The following NSD2 variants were observed in gnomAD, a reference collection of about 807,000 sequenced individuals.
NSD2 encodes histone-lysine N-methyltransferase NSD2.
NSD2 carries 12 observed loss-of-function variants against 139.0 expected under a neutral mutation model. That is an observed-to-expected ratio of 0.09 (90% CI 0.06 to 0.14). The LOEUF is 0.14. Among genes scored for constraint, NSD2 ranks in the 10% least tolerant of loss-of-function variants. The pLI is 1.00. For synonymous variants in NSD2, 669 were observed against 648.7 expected, an observed-to-expected ratio of 1.03 and a Z score of -0.48; for missense variants, 1,155 against 1,745.0, an observed-to-expected ratio of 0.66 and a Z score of 6.02.
intron 15 of NSD2, among the ~76,000 whole-genome samples, chr4:1,957,330 C>T (rs1344986066): frequency 6.6e-6 from 1 of 150,670 alleles, no homozygotes; most frequent in African/African-American, 2.5e-5. Context: ...GTTGCCCAGG[C>T]TGGAGTGCAA....
chr4:1,871,695 C>T (rs1713774973), intron 1 of NSD2, among the ~76,000 whole-genome samples, 153 bp downstream of exon 1: 1 of 148,050 alleles, frequency 6.8e-6, no homozygotes, highest in Admixed American at 6.7e-5. Context: ...CTGAGGAGGC[C>T]TGAGGGGCCG....
chr4:1,950,964 G>A, intron 9 of NSD2, 108 bp from the exon 10 acceptor site: 2 of 1,439,694 alleles, frequency 1.4e-6, no homozygotes, highest in South Asian at 2.6e-5. Context: ...CCAGTGCTGA[G>A]AAAGACTGGT....
intron 1 of NSD2, among the ~76,000 whole-genome samples, chr4:1,894,305 C>A (rs1003819964): frequency 2.2e-4 from 34 of 152,122 alleles, no homozygotes; most frequent in Non-Finnish European, 4.7e-4. Context: ...TACAATGTAT[C>A]TAGATGATTT....
chr4:1,944,752 C>A, intron 9 of NSD2: 1 of 1,064,580 alleles, frequency 9.4e-7, no homozygotes, highest in Non-Finnish European at 1.1e-6. Context: ...TATATATCTG[C>A]TTCTAAAATT....
chr4:1,888,686 T>G (rs920308593), intron 1 of NSD2, among the ~76,000 whole-genome samples: 5 of 151,892 alleles, frequency 3.3e-5, no homozygotes, highest in Non-Finnish European at 2.9e-5. Context: ...TGCCTCAGCC[T>G]CCGGAGTAGC....
chr4:1,904,504 G>C, intron 3 of NSD2, 126 bp downstream of exon 3: 2 of 995,060 alleles, frequency 2.0e-6, no homozygotes, highest in Non-Finnish European at 2.9e-6. Context: ...TTTACCTAAA[G>C]TTAGTGATTG....
At chr4:1,918,802 C>A in intron 5 of NSD2, 179 bp downstream of exon 5, 1 of 843,154 alleles carries the variant, frequency 1.2e-6, no homozygotes, top group Non-Finnish European at 1.8e-6. Flanking sequence ...GGAAAAGATA[C>A]TCGACTTGCA....
intron 8 of NSD2, among the ~76,000 whole-genome samples, chr4:1,938,916 C>CT (rs1267709006): frequency 6.6e-6 from 1 of 152,102 alleles, no homozygotes; most frequent in Non-Finnish European, 1.5e-5. Flanking sequence ...TGCATGTAAG[C>CT]TAACAGTAAG....
chr4:1,939,231 C>A, intron 8 of NSD2: 1 of 159,478 alleles, frequency 6.3e-6, no homozygotes, highest in South Asian at 1.8e-4. Flanking sequence ...AGCAATTGGA[C>A]ATTTGAACGC....
chr4:1,949,671 G>A (rs1345410113), intron 9 of NSD2, among the ~76,000 whole-genome samples: 2 of 152,020 alleles, frequency 1.3e-5, no homozygotes, highest in African/African-American at 4.8e-5. Context: ...GACTGAGGCA[G>A]GAGAATCACT....
rs1038113299 is a variant in NSD2 at position 1,974,202 on chromosome 4, C to T, written c.3373-661C>T. Among the ~76,000 whole-genome samples, 1 of 151,440 alleles carries T rather than the reference C, an allele frequency of 6.6e-6. No individual in the cohort carries two copies. The highest frequency in any genetic ancestry group is 1.5e-5 in the Non-Finnish European group (1 of 67,906). On this transcript the variant is annotated intron_variant, in intron 18 of 21. Transcript: ENST00000508803. This position sits in a 1 kb window ranked among gnomAD's most constrained non-coding sequence, Gnocchi z 4.0. ...TTTCTTTGCATCCTTTGCTGGTTTT[C>T]GGTTGGGTGAGTCTTTTTTTTTTTT...
At chr4:1,925,389 C>CTTTTTTTT (rs34335852) in intron 5 of NSD2, among the ~76,000 whole-genome samples, 39 of 37,998 alleles carry the variant, frequency 1.0e-3, no homozygotes, top group South Asian at 2.0e-3. Context: ...CTTTTTCTTT[C>CTTTTTTTT]TTTTTTTTTT....
intron 18 of NSD2, among the ~76,000 whole-genome samples, chr4:1,970,171 G>A (rs1036352448): frequency 6.6e-6 from 1 of 152,214 alleles, no homozygotes; most frequent in African/African-American, 2.4e-5. Context: ...GGGCGACGTC[G>A]TAAGTAGGAT....
chr4:1,917,717 G>GCTGGGATTACA (rs1201280648), intron 4 of NSD2, among the ~76,000 whole-genome samples: 2 of 152,076 alleles, frequency 1.3e-5, no homozygotes, highest in Non-Finnish European at 2.9e-5. Context: ...GATTACAGGT[G>GCTGGGATTACA]GGAACCACCA....
Position 1,951,149 on chromosome 4 carries a change from C to T in NSD2, c.1959C>T (p.Val653=), listed in dbSNP as rs762060746. 9 of 1,614,244 alleles carry T rather than the reference C, an allele frequency of 5.6e-6. No homozygotes were observed. The highest frequency in any genetic ancestry group is 7.6e-6 in the Non-Finnish European group (9 of 1,180,038). The change falls in exon 10 of 22, where the codon GTC becomes GTT. Residue 653 remains valine, a synonymous_variant. Coordinates refer to ENST00000508803, the MANE Select transcript of NSD2 (RefSeq NM_001042424.3). The part of the protein sequence containing the change: ...SADETQTEVS[V]SSKKSERGVT... ...ACGAAACACAAACTGAAGTATCTGT[C>T]TCATCCAAAAAGTCTGAGCGAGGAG...
intron 5 of NSD2, among the ~76,000 whole-genome samples, chr4:1,921,450 T>A (rs1207874543): frequency 1.4e-5 from 2 of 147,402 alleles, no homozygotes; most frequent in Non-Finnish European, 3.0e-5. Flanking sequence ...AGAGCGAGAC[T>A]CCGTCTCAAA....
chr4:1,946,598 T>C (rs1383916146), intron 9 of NSD2: 6 of 1,026,344 alleles, frequency 5.8e-6, no homozygotes, highest in Non-Finnish European at 7.0e-6. Flanking sequence ...AGAAATATTC[T>C]GATTCATATT....
chr4:1,881,578 A>T (rs937736549), intron 1 of NSD2, among the ~76,000 whole-genome samples: 1 of 152,080 alleles, frequency 6.6e-6, no homozygotes, highest in Non-Finnish European at 1.5e-5. Context: ...TTGTTTTTAA[A>T]TAGAGACAGG....
chr4:1,897,847 G>A (rs1049437594), intron 1 of NSD2, among the ~76,000 whole-genome samples: 1 of 152,080 alleles, frequency 6.6e-6, no homozygotes, highest in South Asian at 2.1e-4. Flanking sequence ...GGCTGGCCTC[G>A]AACTCCAGAC....
Sources: allele counts gnomAD v4.1 joint callset (sites outside exome capture counted in the v4.1 genomes callset), GRCh38; gene constraint gnomAD v4.1.1; non-coding constraint Gnocchi (gnomAD v3.1); transcripts MANE v1.5; gene names NCBI Gene and HGNC (gene_info 2026-07-23, HGNC 2026-07-21).